The following VEZT variants were observed in gnomAD, a reference collection of about 807,000 sequenced individuals.
VEZT encodes the protein vezatin.
A neutral mutation model predicts 79.9 loss-of-function variants in VEZT; 39 were observed. The observed-to-expected ratio is 0.49, with a 90% CI of 0.38 to 0.64. The LOEUF is 0.64. Ranked by LOEUF, VEZT falls within the 30% of genes least tolerant of loss-of-function variation. VEZT has a pLI of 0.00. For synonymous variants in VEZT, 325 were observed against 327.6 expected (o/e 0.99, Z 0.09); for missense variants, 837 against 893.1 (o/e 0.94, Z 0.80).
intron 7 of VEZT, among the ~76,000 whole-genome samples, chr12:95,280,349 TTCC>T (rs1297263844): frequency 1.3e-5 from 2 of 152,034 alleles, no homozygotes; most frequent in African/African-American, 4.8e-5. Flanking sequence ...TAGAACTCTC[TTCC>T]TTGATGATTA....
intron 8 of VEZT, among the ~76,000 whole-genome samples, chr12:95,284,113 G>T (rs140715159): frequency 2.0e-5 from 3 of 152,292 alleles, no homozygotes; most frequent in Non-Finnish European, 2.9e-5. Flanking sequence ...CCATGAGCAG[G>T]AATTGTGGAT....
intron 1 of VEZT, among the ~76,000 whole-genome samples, chr12:95,234,848 T>C (rs1481142477): frequency 6.6e-6 from 1 of 151,790 alleles, no homozygotes; most frequent in Non-Finnish European, 1.5e-5. Flanking sequence ...GATTAGGGAG[T>C]GGTAATGACT....
intron 5 of VEZT, chr12:95,269,834 T>A (rs1299135225): frequency 5.1e-6 from 2 of 395,734 alleles, no homozygotes; most frequent in East Asian, 9.2e-5. Flanking sequence ...TTGTCTTTTT[T>A]TTAGTGGTTG....
intron 1 of VEZT, among the ~76,000 whole-genome samples, chr12:95,222,458 T>A (rs2057763006): frequency 6.6e-6 from 1 of 152,172 alleles, no homozygotes; most frequent in African/African-American, 2.4e-5. Context: ...GAATCTTTTA[T>A]GTGTAGATCT....
intron 1 of VEZT, among the ~76,000 whole-genome samples, chr12:95,242,638 C>T (rs2061179683): frequency 6.6e-6 from 1 of 152,132 alleles, no homozygotes; most frequent in African/African-American, 2.4e-5. Context: ...CTTTGGGAGG[C>T]TGAGGCAGGC....
intron 1 of VEZT, chr12:95,218,200 C>T (rs2057000627): frequency 7.7e-6 from 2 of 258,760 alleles, no homozygotes; most frequent in African/African-American, 2.2e-5. Context: ...GGACTGCGCC[C>T]GGCTGGGGCG....
chr12:95,283,213 C>T (rs1259896334), intron 8 of VEZT, among the ~76,000 whole-genome samples: 2 of 152,150 alleles, frequency 1.3e-5, no homozygotes, highest in Non-Finnish European at 2.9e-5. Flanking sequence ...TGGTATACTA[C>T]CTTAATTCCT....
intron 11 of VEZT, 36 bp downstream of exon 11, chr12:95,296,294 T>G (rs1383314520): frequency 7.2e-6 from 11 of 1,518,306 alleles, no homozygotes; most frequent in Non-Finnish European, 8.9e-6. Context: ...GTTATTTCAA[T>G]GTAGGGGATT....
chr12:95,244,388 A>G (rs1473206522), intron 1 of VEZT, among the ~76,000 whole-genome samples: 1 of 152,184 alleles, frequency 6.6e-6, no homozygotes, highest in Non-Finnish European at 1.5e-5. Flanking sequence ...TTCTAAATAA[A>G]TAAATAATGA....
chr12:95,263,148 A>T, intron 4 of VEZT, 67 bp downstream of exon 4: 6 of 1,342,116 alleles, frequency 4.5e-6, no homozygotes, highest in Non-Finnish European at 6.0e-6. Context: ...GAAACCCATC[A>T]TTGTGCTCTC....
chr12:95,282,248 A>G (rs571893928), intron 7 of VEZT, 65 bp from the exon 8 acceptor site: 3 of 1,373,840 alleles, frequency 2.2e-6, no homozygotes, highest in South Asian at 1.5e-5. Flanking sequence ...AAACAAATTT[A>G]TAGTTTGTTT....
At position 95,241,920 on chromosome 12, in the gene VEZT, T is replaced by C. The variant is rs906492103; in HGVS notation, c.37-10020T>C. Reference sequence around the variant, plus strand: ...CACTGAGACTAGCAACTTGAAATCATGTTGCTAGAGGATACCTTTGATATT... The same window carrying C: ...CACTGAGACTAGCAACTTGAAATCACGTTGCTAGAGGATACCTTTGATATT... On this transcript the variant is annotated intron_variant, in intron 1 of 11. Coordinates refer to ENST00000436874, the MANE Select transcript of VEZT (RefSeq NM_017599.4). 3.3e-5 allele frequency among the ~76,000 whole-genome samples: 5 copies of C among 152,200 alleles called. No homozygotes were observed. The East Asian group carries it at 9.6e-4, about 29-fold the overall frequency.
chr12:95,229,209 T>C (rs907976634), intron 1 of VEZT, among the ~76,000 whole-genome samples: 1 of 152,236 alleles, frequency 6.6e-6, no homozygotes, highest in Non-Finnish European at 1.5e-5. Flanking sequence ...CTGTTTTATG[T>C]CTAAACATTC....
At chr12:95,239,951 AG>A (rs1243910676) in intron 1 of VEZT, among the ~76,000 whole-genome samples, 1 of 21,778 alleles carries the variant, frequency 4.6e-5, no homozygotes, top group Non-Finnish European at 7.0e-5. Flanking sequence ...GACTCGAAAG[AG>A]AGAGAGAGAG....
At chr12:95,240,017 AAAGAAAGGAAGG>A (rs1211839969) in intron 1 of VEZT, among the ~76,000 whole-genome samples, 10 of 112,058 alleles carry the variant, frequency 8.9e-5, no homozygotes, top group African/African-American at 1.4e-4. Context: ...AGAAAGAGAG[AAAGAAAGGAAGG>A]AAGGAAGGAA....
chr12:95,231,967 C>G (rs2136896851), intron 1 of VEZT, among the ~76,000 whole-genome samples: 1 of 152,204 alleles, frequency 6.6e-6, no homozygotes, highest in Admixed American at 6.5e-5. Flanking sequence ...TGAGAAAAAT[C>G]ACTGCCTTTT....
At chr12:95,236,529 C>T (rs2060217919) in intron 1 of VEZT, among the ~76,000 whole-genome samples, 1 of 151,384 alleles carries the variant, frequency 6.6e-6, no homozygotes, top group Admixed American at 6.6e-5. Context: ...TCTTTGCAGC[C>T]AGTTTCTAAC....
At chr12:95,247,157 T>C (rs1483664178) in intron 1 of VEZT, among the ~76,000 whole-genome samples, 2 of 152,226 alleles carry the variant, frequency 1.3e-5, no homozygotes. Flanking sequence ...TTCTCATGTG[T>C]GTATACAGAG....
chr12:95,289,068 C>A (rs919097861), intron 9 of VEZT, among the ~76,000 whole-genome samples: 3 of 144,568 alleles, frequency 2.1e-5, no homozygotes, highest in Admixed American at 1.4e-4. Context: ...GGCAACAGAG[C>A]GAGACTCCGT....
Sources: gnomAD v4.1 joint callset for allele counts (sites outside exome capture counted in the v4.1 genomes callset) on GRCh38, gnomAD v4.1.1 for gene constraint, MANE v1.5 for transcripts, NCBI Gene and HGNC (gene_info 2026-07-23, HGNC 2026-07-21) for gene names.